KCND3: variants seen among roughly 807,000 people sequenced by gnomAD.
KCND3 encodes potassium voltage-gated channel subfamily D member 3.
A neutral mutation model predicts 51.1 loss-of-function variants in KCND3; 9 were observed. The observed-to-expected ratio is 0.18, with a 90% CI of 0.11 to 0.31. The LOEUF is 0.31. KCND3 is among the 10% of genes least tolerant of loss of function. KCND3 has a pLI of 1.00. For synonymous variants in KCND3, 349 were observed against 368.0 expected, an observed-to-expected ratio of 0.95 and a Z score of 0.59; for missense variants, 526 against 903.8, an observed-to-expected ratio of 0.58 and a Z score of 5.36.
intron 2 of KCND3, among the ~76,000 whole-genome samples, chr1:111,805,711 G>A (rs1021306075): frequency 5.3e-5 from 8 of 152,232 alleles, no homozygotes; most frequent in African/African-American, 1.7e-4. Context: ...GGAGTCTGCC[G>A]CTGGCCCATG....
chr1:111,780,851 G>T lies in KCND3; in HGVS notation c.1270-60C>A, dbSNP rs899523957. The T allele has an allele frequency of 2.3e-5, 32 of 1,420,204 alleles. No individual in the cohort carries two copies. Among genetic ancestry groups the T allele is most frequent in the Admixed American group, 5.7e-5 (3 of 52,432 alleles). 88.0% of individuals were successfully genotyped at this position (1,420,204 alleles called of 1,614,324 possible). ...GACCATGATACAAAAAGACAGCAAG[G>T]CTGGTGAAGCTGTGAGGCTGGCTTC... On this transcript the variant is annotated intron_variant, in intron 3 of 7. Transcript: ENST00000302127. The surrounding 1 kb of genome is among the most constrained non-coding windows in gnomAD (Gnocchi z 4.2).
intron 2 of KCND3, among the ~76,000 whole-genome samples, chr1:111,965,783 G>C (rs542224865): frequency 6.6e-6 from 1 of 151,924 alleles, no homozygotes; most frequent in Non-Finnish European, 1.5e-5. Context: ...TTGTTTTGAA[G>C]TTTTATCCTT....
intron 2 of KCND3, among the ~76,000 whole-genome samples, chr1:111,924,417 C>T (rs1199112034): frequency 6.6e-6 from 1 of 152,216 alleles, no homozygotes; most frequent in African/African-American, 2.4e-5. Context: ...GGAGCTTCAT[C>T]AGGCCTGCAC....
At position 111,780,223 on chromosome 1, in the gene KCND3, A is replaced by G; in HGVS notation, c.1461+2T>C. The G allele has an allele frequency of 6.3e-7, 1 of 1,581,678 alleles. No individual in the cohort carries two copies. The highest frequency in any genetic ancestry group is 2.3e-5 in the East Asian group (1 of 43,868). ...AGGAGGTGGCAAAGGGCTGGGACTC[A>G]CAGTGGTTTTTTCCAGGCAGTGCAG... On this transcript the variant is annotated splice_donor_variant, in intron 5 of 7. Coordinates refer to ENST00000302127, the MANE Select transcript of KCND3 (RefSeq NM_001378969.1). LOFTEE classifies it high-confidence loss of function. This position sits in a 1 kb window ranked among gnomAD's most constrained non-coding sequence, Gnocchi z 4.2.
intron 2 of KCND3, among the ~76,000 whole-genome samples, chr1:111,875,696 C>T (rs1309685678): frequency 6.6e-6 from 1 of 152,214 alleles, no homozygotes; most frequent in African/African-American, 2.4e-5. Flanking sequence ...CTTCTCCTCC[C>T]CCTGGGACAC....
intron 2 of KCND3, among the ~76,000 whole-genome samples, chr1:111,906,538 C>T (rs1670656361): frequency 6.6e-6 from 1 of 152,188 alleles, no homozygotes; most frequent in South Asian, 2.1e-4. Context: ...CTAAATAAAA[C>T]AAAATGTAAC....
intron 2 of KCND3, among the ~76,000 whole-genome samples, chr1:111,861,853 T>A (rs1327865971): frequency 6.6e-6 from 1 of 152,080 alleles, no homozygotes; most frequent in Non-Finnish European, 1.5e-5. Context: ...CTCTGTGGGG[T>A]CAGGAAATTT....
intron 2 of KCND3, among the ~76,000 whole-genome samples, chr1:111,944,259 G>A (rs551721589): frequency 3.9e-5 from 6 of 152,242 alleles, no homozygotes; most frequent in East Asian, 1.9e-4. Flanking sequence ...AGAGTGGGGC[G>A]CAGGCCACAA....
In KCND3 at chr1:111,780,734, G is replaced by T; in HGVS notation, c.1327C>A (p.His443Asn). The T allele has an allele frequency of 6.2e-7, 1 of 1,613,386 alleles. No homozygotes were observed. The highest frequency in any genetic ancestry group is 1.1e-5 in the South Asian group (1 of 90,624). ...TTGAGGAGCCCGTTGCGCTTGCTGT[G>T]CAGGTATGCATTCGAACTGCCTGTT... ...AKTGSSNAYL[H>N]SKRNGLLNEA... The change falls in exon 4 of 8, where the codon CAC becomes AAC. Residue 443 changes from histidine to asparagine, a missense_variant. Transcript: ENST00000302127. The surrounding 1 kb of genome is among the most constrained non-coding windows in gnomAD (Gnocchi z 4.2).
chr1:111,907,589 C>A (rs943548813), intron 2 of KCND3, among the ~76,000 whole-genome samples: 2 of 152,232 alleles, frequency 1.3e-5, no homozygotes, highest in Non-Finnish European at 2.9e-5. Context: ...AGGCACCCAA[C>A]TAAGCCATGT....
chr1:111,982,939 A>C lies in KCND3; in HGVS notation c.-72-141T>G. ...TTAATAAAACTGAAATCCCCACCACAGAGAGGGGACTTGATTCTTTGCCAT... is the reference window on the plus strand; with the variant it reads ...TTAATAAAACTGAAATCCCCACCACCGAGAGGGGACTTGATTCTTTGCCAT... On this transcript the variant is annotated intron_variant, in intron 1 of 7. Transcript: ENST00000302127. This position sits in a 1 kb window ranked among gnomAD's most constrained non-coding sequence, Gnocchi z 8.5. 1 of 659,150 alleles carries C rather than the reference A, an allele frequency of 1.5e-6. No individual in the cohort carries two copies. The highest frequency in any genetic ancestry group is 2.6e-6 in the Non-Finnish European group (1 of 385,562). The allele number at this position is 659,150 out of a possible 1,614,324, so 40.8% of individuals were successfully genotyped here.
At position 111,772,410 on chromosome 1, in the gene KCND3, T is replaced by C. The variant is rs1457334938; in HGVS notation, c.*3667A>G. ...GTACAGTCAGGTGATTTCCAAGGGC[T>C]GTGTCCAAGTAGTATTGACATATAC... On this transcript the variant is annotated 3_prime_UTR_variant, in exon 8 of 8. Transcript: ENST00000302127. 1 of 152,256 alleles carries C rather than the reference T, an allele frequency of 6.6e-6. No individual in the cohort carries two copies. The highest frequency in any genetic ancestry group is 1.5e-5 in the Non-Finnish European group (1 of 68,056). The allele number at this position is 152,256 out of a possible 1,614,324, so 9.4% of individuals were successfully genotyped here. A position where few individuals can be genotyped will look rare whatever the true frequency, so the allele number is the denominator to read the frequency against.
chr1:111,906,613 T>C (rs1341827482), intron 2 of KCND3, among the ~76,000 whole-genome samples: 1 of 152,238 alleles, frequency 6.6e-6, no homozygotes, highest in Non-Finnish European at 1.5e-5. Context: ...AGGCTGGACC[T>C]GGTTCTCTCT....
intron 2 of KCND3, among the ~76,000 whole-genome samples, chr1:111,835,545 C>G (rs987670208): frequency 2.0e-5 from 3 of 152,166 alleles, no homozygotes; most frequent in African/African-American, 7.2e-5. Flanking sequence ...TGGCCAAAAC[C>G]AAGATGGCAA....
At chr1:111,944,445 C>T (rs1048422077) in intron 2 of KCND3, among the ~76,000 whole-genome samples, 3 of 152,232 alleles carry the variant, frequency 2.0e-5, no homozygotes, top group Non-Finnish European at 4.4e-5. Flanking sequence ...CAAGGAGACT[C>T]CCTCTGGAGG....
chr1:111,822,183 T>C, intron 2 of KCND3, among the ~76,000 whole-genome samples: 1 of 152,232 alleles, frequency 6.6e-6, no homozygotes, highest in East Asian at 1.9e-4. Flanking sequence ...TAACTGAAAT[T>C]AAAATATGTT....
At position 111,982,062 on chromosome 1, in the gene KCND3, T is replaced by C. The variant is rs1334086718; in HGVS notation, c.665A>G (p.Tyr222Cys). The C allele has an allele frequency of 6.2e-7, 1 of 1,612,750 alleles. No homozygotes were observed. The highest frequency in any genetic ancestry group is 1.7e-5 in the Admixed American group (1 of 59,918). The change falls in exon 2 of 8, where the codon TAC (tyrosine) becomes TGC (cysteine). Residue 222 changes from tyrosine to cysteine, a missense_variant. Tyr to Cys is a radical substitution (Grantham distance 194). Around this residue, in one of 5 missense-constraint regions of KCND3, gnomAD observed 51 missense variants for 84.7 expected, o/e 0.60. Transcript: ENST00000302127. This position sits in a 1 kb window ranked among gnomAD's most constrained non-coding sequence, Gnocchi z 8.5. ...GTCCAGGCAGAAGAAGGCCACCGAGTAGCGCTCCCCGCACGGCAGCTCCTT... is the reference window on the plus strand; with the variant it reads ...GTCCAGGCAGAAGAAGGCCACCGAGCAGCGCTCCCCGCACGGCAGCTCCTT... ...GSKELPCGER[Y>C]SVAFFCLDTA...
chr1:111,787,233 T>A (rs1664646128), intron 2 of KCND3, 127 bp from the exon 3 acceptor site: 2 of 988,102 alleles, frequency 2.0e-6, no homozygotes, highest in African/African-American at 3.2e-5. Context: ...GTATCTACTA[T>A]GTGCCAGGTA....
At chr1:111,920,365 C>T (rs1671422284) in intron 2 of KCND3, among the ~76,000 whole-genome samples, 1 of 152,370 alleles carries the variant, frequency 6.6e-6, no homozygotes, top group South Asian at 2.1e-4. Flanking sequence ...ACTCCCCACA[C>T]TGAAGAAACA....
Sources: gnomAD v4.1 joint callset for allele counts (sites outside exome capture counted in the v4.1 genomes callset) on GRCh38, gnomAD v4.1.1 for gene constraint, gnomAD v4.1.1 regional missense constraint, Gnocchi (gnomAD v3.1) non-coding constraint, MANE v1.5 for transcripts, NCBI Gene and HGNC (gene_info 2026-07-23, HGNC 2026-07-21) for gene names.